Variants in AQR observed in about 807,000 individuals in gnomAD.
AQR encodes RNA helicase aquarius.
In AQR, 61 loss-of-function variants were observed where a neutral mutation model predicts 180.5. The ratio of observed to expected loss-of-function variants is 0.34; its 90% CI spans 0.28 to 0.42. The LOEUF (loss-of-function observed/expected upper bound fraction) is 0.42, where lower values mean the gene tolerates loss of function less well. Ranked by LOEUF, AQR falls within the 10% of genes least tolerant of loss-of-function variation. The pLI, the probability that AQR is intolerant of heterozygous loss-of-function variation, is 1.00. For synonymous variants in AQR, 551 were observed against 588.8 expected (o/e 0.94, Z 0.93); for missense variants, 1,281 against 1,798.3 (o/e 0.71, Z 5.20).
At chr15:34,893,372 G>A (rs549792286) in intron 23 of AQR, among the ~76,000 whole-genome samples, 9 of 152,204 alleles carry the variant, frequency 5.9e-5, no homozygotes, top group Non-Finnish European at 1.2e-4. Flanking sequence ...GGAGAGGAGG[G>A]GGTCCTCACG....
chr15:34,934,288 A>G (rs1422648860), intron 10 of AQR, among the ~76,000 whole-genome samples: 1 of 148,718 alleles, frequency 6.7e-6, no homozygotes, highest in African/African-American at 2.4e-5. Context: ...ATACTATATT[A>G]TTATACAATC....
Position 34,855,171 on chromosome 15 carries a change from G to C in AQR, c.*1621C>G, listed in dbSNP as rs1892572148. ...CACCTGACATTGACACAAATGTCCT[G>C]ATGCAGTAGGATACATCATAAAATG... On this transcript the variant is annotated 3_prime_UTR_variant, in exon 35 of 35. Transcript: ENST00000156471. The C allele has an allele frequency of 6.6e-6, 1 of 152,184 alleles. No homozygotes were observed. The highest frequency in any genetic ancestry group is 1.5e-5 in the Non-Finnish European group (1 of 68,042). 9.4% of individuals were successfully genotyped at this position (152,184 alleles called of 1,614,324 possible).
intron 4 of AQR, among the ~76,000 whole-genome samples, chr15:34,951,400 G>A (rs190083410): frequency 5.3e-4 from 81 of 152,260 alleles, no homozygotes; most frequent in Admixed American, 2.0e-3. Context: ...TCAGCTGGGT[G>A]CGGTGGCTCA....
At chr15:34,867,726 T>C (rs1892756744) in intron 31 of AQR, 117 bp from the exon 32 acceptor site, 1 of 717,316 alleles carries the variant, frequency 1.4e-6, no homozygotes, top group Admixed American at 3.1e-5. Context: ...AAAAGAAACA[T>C]AATCATAGGC....
intron 15 of AQR, among the ~76,000 whole-genome samples, chr15:34,916,668 G>T (rs1238647370): frequency 6.6e-6 from 1 of 151,802 alleles, no homozygotes; most frequent in Non-Finnish European, 1.5e-5. Flanking sequence ...GAGACAAGTA[G>T]ATAGTATGTG....
At chr15:34,958,986 G>GATATAGATATAGATATAGATATAGAT (rs1177602582) in intron 3 of AQR, among the ~76,000 whole-genome samples, 11 of 12,896 alleles carry the variant, frequency 8.5e-4, no homozygotes, top group African/African-American at 1.2e-3. Flanking sequence ...TATAGATATA[G>GATATAGATATAGATATAGATATAGAT]ATATAGATAT....
In AQR at chr15:34,945,450, T is replaced by A. The variant is rs544008343; in HGVS notation, c.331-1022A>T. Among the ~76,000 whole-genome samples the A allele has an allele frequency of 2.0e-5, 3 of 152,342 alleles. No homozygotes were observed. The East Asian group carries it at 5.8e-4, about 29-fold the overall frequency. ...AATTCAATCAATTCTACCTTCTACA[T>A]CTCTGTATATCCTCTAAATCTGTAT... On this transcript the variant is annotated intron_variant, in intron 5 of 34. Transcript: ENST00000156471.
At chr15:34,857,398 A>C (rs1892602273) in intron 34 of AQR, among the ~76,000 whole-genome samples, 1 of 152,236 alleles carries the variant, frequency 6.6e-6, no homozygotes, top group Non-Finnish European at 1.5e-5. Context: ...TCTGCAAAAA[A>C]CAGTGACTGA....
chr15:34,947,091 T>C (rs60395302), intron 5 of AQR, among the ~76,000 whole-genome samples: 2,420 of 151,968 alleles, frequency 0.016, 63 homozygotes, highest in African/African-American at 0.054. Flanking sequence ...GGGGAAAAGA[T>C]TGAGAAATCG....
At chr15:34,962,708 G>A (rs961088454) in intron 2 of AQR, among the ~76,000 whole-genome samples, 2 of 151,702 alleles carry the variant, frequency 1.3e-5, no homozygotes, top group Non-Finnish European at 2.9e-5. Context: ...GGTGGAGGCT[G>A]CAGTGAGCCA....
intron 24 of AQR, among the ~76,000 whole-genome samples, 188 bp from the exon 25 acceptor site, chr15:34,886,849 C>G (rs1893066883): frequency 6.6e-6 from 1 of 151,848 alleles, no homozygotes; most frequent in Non-Finnish European, 1.5e-5. Context: ...GTAGGTGGGT[C>G]ACGGTGGTTC....
intron 3 of AQR, among the ~76,000 whole-genome samples, chr15:34,954,311 C>T (rs1894276292): frequency 6.8e-6 from 1 of 147,326 alleles, no homozygotes; most frequent in South Asian, 2.2e-4. Context: ...AAAAATAAGT[C>T]TTTTTTTTTT....
At position 34,876,193 on chromosome 15, in the gene AQR, C is replaced by CTTA. The variant is rs1312693581; in HGVS notation, c.3166-188_3166-187insTAA. 7.9e-5 allele frequency among the ~76,000 whole-genome samples: 12 copies of CTTA among 152,272 alleles called. No homozygotes were observed. In the East Asian group the frequency reaches 2.3e-3, roughly 29 times the overall value. Reference sequence around the variant, plus strand: ...TTCATGGTCTTACTTATCATTATGCCTCTGCATTTCCAATTCAAGTATTTG... The same window carrying CTTA: ...TTCATGGTCTTACTTATCATTATGCCTTATCTGCATTTCCAATTCAAGTATTTG... On this transcript the variant is annotated intron_variant, in intron 27 of 34. Coordinates refer to ENST00000156471, the MANE Select transcript of AQR (RefSeq NM_014691.3).
chr15:34,941,834 G>T (rs768679625), intron 7 of AQR, among the ~76,000 whole-genome samples, 178 bp downstream of exon 7: 1 of 151,882 alleles, frequency 6.6e-6, no homozygotes, highest in African/African-American at 2.4e-5. Flanking sequence ...GTTAAACATC[G>T]AATGCATATA....
chr15:34,922,921 C>T (rs1354936437), intron 13 of AQR, among the ~76,000 whole-genome samples: 1 of 152,116 alleles, frequency 6.6e-6, no homozygotes, highest in Non-Finnish European at 1.5e-5. Context: ...GGCTTATTGA[C>T]ATCTATCTAC....
chr15:34,900,765 T>C lies in AQR; in HGVS notation c.2100A>G (p.Ala700=). The C allele has an allele frequency of 6.2e-7, 1 of 1,614,206 alleles. No individual in the cohort carries two copies. Among genetic ancestry groups the C allele is most frequent in the South Asian group, 1.1e-5 (1 of 91,084 alleles). The change falls in exon 20 of 35, where the codon GCA becomes GCG. Residue 700 remains alanine, a synonymous_variant. Transcript: ENST00000156471. ...IILGYGDPSS[A]HYSKMPNQIA... ...TCTGATTGGGCATTTTCGAATAATG[T>C]GCACTACTTGGGTCCCCATAACCTA...
chr15:34,960,809 A>G lies in AQR; in HGVS notation c.138T>C (p.Ile46=). 1 of 885,630 alleles carries G rather than the reference A, an allele frequency of 1.1e-6. No individual in the cohort carries two copies. Among genetic ancestry groups the G allele is most frequent in the Non-Finnish European group, 1.7e-6 (1 of 582,418 alleles). 54.9% of individuals were successfully genotyped at this position (885,630 alleles called of 1,614,324 possible). The part of the protein sequence containing the change: ...KKKSPFDIKV[I]EDIYEKEIVK... ...CAATCTCTTTTTCATATATATCTTC[A>G]ATAACCTGTTATAAAAATATAAAAA... Residue 46 remains isoleucine, a synonymous_variant, in exon 3 of 35, where the codon ATT becomes ATC. Transcript: ENST00000156471.
chr15:34,906,257 G>C (rs1279770962), intron 18 of AQR, among the ~76,000 whole-genome samples: 1 of 151,980 alleles, frequency 6.6e-6, no homozygotes, highest in African/African-American at 2.4e-5. Flanking sequence ...TATGGTCCCA[G>C]CTACTAGCAG....
chr15:34,966,300 T>A (rs1371490225), intron 1 of AQR, among the ~76,000 whole-genome samples: 2 of 152,212 alleles, frequency 1.3e-5, no homozygotes. Context: ...TGGCTAGGTA[T>A]GCCAGATGCT....
Sources: gnomAD v4.1 joint callset for allele counts (sites outside exome capture counted in the v4.1 genomes callset) on GRCh38, gnomAD v4.1.1 for gene constraint, MANE v1.5 for transcripts, NCBI Gene and HGNC (gene_info 2026-07-23, HGNC 2026-07-21) for gene names.